SLF2: variants seen among roughly 807,000 people sequenced by gnomAD.
SLF2 encodes SMC5-SMC6 complex localization factor protein 2.
SLF2 carries 68 observed loss-of-function variants against 124.3 expected under a neutral mutation model. The ratio of observed to expected loss-of-function variants is 0.55; its 90% confidence interval spans 0.45 to 0.67. SLF2 has a LOEUF of 0.67. Among genes scored for constraint, SLF2 ranks in the 30% least tolerant of loss-of-function variants. The pLI is 0.00. For synonymous variants in SLF2, 480 were observed against 478.8 expected, an observed-to-expected ratio of 1.00 and a Z score of -0.03; for missense variants, 1,246 against 1,373.7, an observed-to-expected ratio of 0.91 and a Z score of 1.47.
At chr10:100,932,567 C>G (rs897308004) in intron 9 of SLF2, among the ~76,000 whole-genome samples, 2 of 152,036 alleles carry the variant, frequency 1.3e-5, no homozygotes, top group African/African-American at 2.4e-5. Flanking sequence ...GACTTTCGTT[C>G]ATTGTTTTAT....
chr10:100,931,093 T>C lies in SLF2; in HGVS notation c.2436+15T>C. 6.4e-7 allele frequency: 1 copy of C among 1,567,274 alleles called. No individual in the cohort carries two copies. The highest frequency in any genetic ancestry group is 1.1e-5 in the South Asian group (1 of 87,412). ...GGCTGTTTCGGGTAAGAGGAATGTTTAGAGGGTTATAGTTGCCTCCTACTA... is the reference window on the plus strand; with the variant it reads ...GGCTGTTTCGGGTAAGAGGAATGTTCAGAGGGTTATAGTTGCCTCCTACTA... On this transcript the variant is annotated intron_variant, in intron 9 of 19. Transcript: ENST00000238961.
Position 100,934,779 on chromosome 10 carries a change from AT to A in SLF2, c.2437-2609del, listed in dbSNP as rs573864336. On this transcript the variant is annotated intron_variant, in intron 9 of 19. Coordinates refer to ENST00000238961, the MANE Select transcript of SLF2 (RefSeq NM_018121.4). ...AGGCACCCACCACCACGCCCAGCTA[AT>A]TTTTTTTTTTTTTGTATTTTTATTA... Among the ~76,000 whole-genome samples, 316 of 140,034 alleles carry A rather than the reference AT, an allele frequency of 2.3e-3. 1 individual carries two copies. Among genetic ancestry groups the A allele is most frequent in the Middle Eastern group, 3.7e-3 (1 of 272 alleles). 91.9% of individuals were successfully genotyped at this position (140,034 alleles called of 152,430 possible).
chr10:100,919,962 A>G (rs1849495794), intron 4 of SLF2, among the ~76,000 whole-genome samples: 1 of 152,268 alleles, frequency 6.6e-6, no homozygotes, highest in South Asian at 2.1e-4. Flanking sequence ...CTCAACTGGT[A>G]AAATCAATCT....
chr10:100,947,481 TCA>T (rs1850126229), intron 14 of SLF2, among the ~76,000 whole-genome samples: 1 of 152,182 alleles, frequency 6.6e-6, no homozygotes, highest in Admixed American at 6.5e-5. Context: ...AAAATAAATT[TCA>T]TCAGTAAAAA....
chr10:100,935,673 C>G (rs1460743660), intron 9 of SLF2, among the ~76,000 whole-genome samples: 1 of 151,004 alleles, frequency 6.6e-6, no homozygotes, highest in Non-Finnish European at 1.5e-5. Flanking sequence ...GAGTGAGACT[C>G]TGTCTCAAAA....
At chr10:100,915,663 G>A (rs1317384516) in intron 1 of SLF2, among the ~76,000 whole-genome samples, 2 of 152,102 alleles carry the variant, frequency 1.3e-5, no homozygotes, top group African/African-American at 4.8e-5. Flanking sequence ...TGATACCCAA[G>A]ATGTTGCATT....
chr10:100,943,904 C>G (rs1293488986), intron 11 of SLF2, 122 bp from the exon 12 acceptor site: 2 of 598,134 alleles, frequency 3.3e-6, no homozygotes, highest in East Asian at 3.1e-5. Context: ...GGGTACATTC[C>G]TTTTATTGTA....
At chr10:100,957,640 T>C (rs939227925) in intron 18 of SLF2, among the ~76,000 whole-genome samples, 8 of 151,690 alleles carry the variant, frequency 5.3e-5, no homozygotes, top group Non-Finnish European at 7.4e-5. Context: ...ATTAGAGGTG[T>C]GAGCCACCAC....
chr10:100,924,629 G>C lies in SLF2; in HGVS notation c.1628G>C (p.Gly543Ala), dbSNP rs748080957. 1.9e-6 allele frequency: 3 copies of C among 1,613,960 alleles called. No individual in the cohort carries two copies. The highest frequency in any genetic ancestry group is 2.5e-6 in the Non-Finnish European group (3 of 1,180,020). ...GTATCTTCAGGGAAAATTTCTGGGGGACCTTTGCGCTCAGAATATGGCACT... is the reference window on the plus strand; with the variant it reads ...GTATCTTCAGGGAAAATTTCTGGGGCACCTTTGCGCTCAGAATATGGCACT... ...SNVSSGKISG[G>A]PLRSEYGTPT... The change falls in exon 5 of 20, where the codon GGA (glycine) becomes GCA (alanine). Residue 543 changes from glycine (G) to alanine (A), a missense_variant. Physicochemically the swap from Gly to Ala is moderately conservative, Grantham distance 60. Transcript: ENST00000238961.
At position 100,963,436 on chromosome 10, in the gene SLF2, GTGT is replaced by G. The variant is rs1850460013; in HGVS notation, c.*1529_*1531del. Reference sequence around the variant, plus strand: ...GTCAGACCAACAAAAGTTTTATTCTGTGTTGTTTACTGGTAAGAATATTATTAT... The same window carrying G: ...GTCAGACCAACAAAAGTTTTATTCTGTGTTTACTGGTAAGAATATTATTAT... On this transcript the variant is annotated 3_prime_UTR_variant, in exon 20 of 20. Transcript: ENST00000238961. The G allele has an allele frequency of 6.6e-6, 1 of 152,550 alleles. No individual in the cohort carries two copies. Among genetic ancestry groups the G allele is most frequent in the South Asian group, 2.1e-4 (1 of 4,820 alleles). 9.4% of individuals were successfully genotyped at this position (152,550 alleles called of 1,614,324 possible).
At position 100,947,121 on chromosome 10, in the gene SLF2, G is replaced by A; in HGVS notation, c.3017G>A (p.Trp1006Ter). Residue 1006 changes from tryptophan (W) to a stop codon, truncating the protein, a stop_gained, in exon 14 of 20, where the codon TGG (tryptophan) becomes TAG (stop). Transcript: ENST00000238961. LOFTEE classifies it high-confidence loss of function. ...LLWLVQLVPNWTSRGRQLRQC... is the reference protein window; with the variant it reads ...LLWLVQLVPN ...TGGTTGGTACAGCTGGTCCCTAATT[G>A]GACATCACGTGGAAGGTATTAAAAA... 1 of 1,572,182 alleles carries A rather than the reference G, an allele frequency of 6.4e-7. No individual in the cohort carries two copies. Among genetic ancestry groups the A allele is most frequent in the Non-Finnish European group, 8.6e-7 (1 of 1,162,958 alleles).
intron 19 of SLF2, among the ~76,000 whole-genome samples, chr10:100,960,190 A>G (rs1402539542): frequency 6.6e-6 from 1 of 152,168 alleles, no homozygotes; most frequent in Non-Finnish European, 1.5e-5. Flanking sequence ...AGACATTTGT[A>G]TTGTTTTCAC....
At chr10:100,921,159 A>AT (rs1849518158) in intron 4 of SLF2, among the ~76,000 whole-genome samples, 2 of 152,204 alleles carry the variant, frequency 1.3e-5, no homozygotes, top group African/African-American at 4.8e-5. Context: ...GGGGAAATTT[A>AT]ATCCATTGCT....
intron 4 of SLF2, among the ~76,000 whole-genome samples, chr10:100,922,384 C>T (rs1489777266): frequency 6.6e-6 from 1 of 152,106 alleles, no homozygotes; most frequent in African/African-American, 2.4e-5. Flanking sequence ...AATTTTCTAA[C>T]TAGAGAAGGG....
intron 18 of SLF2, among the ~76,000 whole-genome samples, chr10:100,958,338 C>G (rs1407971675): frequency 1.3e-5 from 2 of 152,140 alleles, no homozygotes; most frequent in African/African-American, 4.8e-5. Flanking sequence ...ATGAAGTTAT[C>G]AGATTTCTGA....
chr10:100,929,663 TAAC>T (rs1173063227), intron 7 of SLF2, among the ~76,000 whole-genome samples, 164 bp from the exon 8 acceptor site: 1 of 152,206 alleles, frequency 6.6e-6, no homozygotes, highest in Admixed American at 6.5e-5. Context: ...GGCTTTTGAC[TAAC>T]AACTACAAAA....
intron 17 of SLF2, among the ~76,000 whole-genome samples, chr10:100,953,002 A>C (rs1350720409): frequency 6.6e-6 from 1 of 152,062 alleles, no homozygotes; most frequent in African/African-American, 2.4e-5. Context: ...ATGTTCTTAC[A>C]TGGTTTTTAT....
rs1465478836 is a variant in SLF2, at chr10:100,947,750, C to T, written c.3033-10C>T. On this transcript the variant is annotated splice_polypyrimidine_tract_variant and intron_variant, in intron 14 of 19. Transcript: ENST00000238961. ...AATACATTCTAAATACTTTTAACTT[C>T]TAATTCTAGGCAACTGAGACAGTGC... 1.9e-6 allele frequency: 3 copies of T among 1,592,462 alleles called. No individual in the cohort carries two copies. Among genetic ancestry groups the T allele is most frequent in the South Asian group, 1.1e-5 (1 of 89,672 alleles).
At chr10:100,930,853 C>T (rs533244989) in intron 8 of SLF2, 123 bp from the exon 9 acceptor site, 1 of 718,226 alleles carries the variant, frequency 1.4e-6, no homozygotes, top group African/African-American at 1.8e-5. Context: ...TAGAGTCCAC[C>T]TCTATGGACT....
Sources: allele counts gnomAD v4.1 joint callset (sites outside exome capture counted in the v4.1 genomes callset), GRCh38; gene constraint gnomAD v4.1.1; transcripts MANE v1.5; gene names NCBI Gene and HGNC (gene_info 2026-07-23, HGNC 2026-07-21).